VAPB: variants seen among roughly 807,000 people sequenced by gnomAD.
VAPB encodes the protein VAMP associated protein B and C.
A neutral mutation model predicts 25.6 loss-of-function variants in VAPB; 7 were observed. The observed-to-expected ratio is 0.27, with a 90% CI of 0.16 to 0.51. The LOEUF (loss-of-function observed/expected upper bound fraction) is 0.51. VAPB is among the 20% of genes least tolerant of loss of function. VAPB has a pLI of 0.97. For missense variants in VAPB, 266 were observed against 301.3 expected (o/e 0.88, Z 0.87); for synonymous variants, 112 against 109.2 (o/e 1.03, Z -0.16).
Position 58,449,433 on chromosome 20 carries a change from A to G in VAPB, c.*5198A>G. 1 of 451,012 alleles carries G rather than the reference A, an allele frequency of 2.2e-6. No individual in the cohort carries two copies. Among genetic ancestry groups the G allele is most frequent in the Non-Finnish European group, 4.4e-6 (1 of 226,036 alleles). The allele number at this position is 451,012 out of a possible 1,614,324, so 27.9% of individuals were successfully genotyped here. A position where few individuals can be genotyped will look rare whatever the true frequency, so the allele number is the denominator to read the frequency against. ...ATGAGAGGTTGTCTTCATGAATATA[A>G]TTACTTGAGATTTTTTTTTCTTAAT... is the stretch of plus-strand genomic sequence containing the variant. On this transcript the variant is annotated 3_prime_UTR_variant, in exon 6 of 6. Coordinates refer to ENST00000475243, the MANE Select transcript of VAPB (RefSeq NM_004738.5).
intron 2 of VAPB, among the ~76,000 whole-genome samples, chr20:58,419,101 G>A (rs1431336967): frequency 6.6e-6 from 1 of 152,238 alleles, no homozygotes; most frequent in Non-Finnish European, 1.5e-5. Context: ...CCAAGAAGGA[G>A]CTGTGGGGGA....
At chr20:58,425,744 T>A (rs1424963917) in intron 2 of VAPB, among the ~76,000 whole-genome samples, 1 of 152,026 alleles carries the variant, frequency 6.6e-6, no homozygotes, top group Non-Finnish European at 1.5e-5. Context: ...GAAATTGGAG[T>A]GCTCATTCTC....
chr20:58,421,921 T>C (rs1407656015), intron 2 of VAPB, among the ~76,000 whole-genome samples: 1 of 152,216 alleles, frequency 6.6e-6, no homozygotes. Context: ...GGACCTTACA[T>C]TGTGCTTCAA....
At chr20:58,424,933 G>A (rs967494444) in intron 2 of VAPB, among the ~76,000 whole-genome samples, 2 of 152,206 alleles carry the variant, frequency 1.3e-5, no homozygotes, top group Non-Finnish European at 2.9e-5. Context: ...TTCCATCCAT[G>A]GGCCCCTGAA....
At chr20:58,431,145 T>C (rs1363151858) in intron 2 of VAPB, 1 of 152,242 alleles carries the variant, frequency 6.6e-6, no homozygotes, top group East Asian at 1.9e-4. Flanking sequence ...TGTCTGTGAC[T>C]TTTTGAACAT....
chr20:58,406,613 G>A (rs1279792585), intron 1 of VAPB, among the ~76,000 whole-genome samples: 1 of 152,196 alleles, frequency 6.6e-6, no homozygotes, highest in Admixed American at 6.5e-5. Context: ...TCTGTATCTG[G>A]TGTGAATTGG....
rs528311427 is a variant in VAPB at position 58,446,067 on chromosome 20, C to A, written c.*1832C>A. 1 of 454,008 alleles carries A rather than the reference C, an allele frequency of 2.2e-6. No individual in the cohort carries two copies. The highest frequency in any genetic ancestry group is 1.6e-5 in the South Asian group (1 of 64,472). 28.1% of individuals were successfully genotyped at this position (454,008 alleles called of 1,614,324 possible). On this transcript the variant is annotated 3_prime_UTR_variant, in exon 6 of 6. Transcript: ENST00000475243. ...GTCTGAGTAAGTAACTTCCTGTCTTCATGAAAAAAGTTGACTTTGAATCCC... is the reference window on the plus strand; with the variant it reads ...GTCTGAGTAAGTAACTTCCTGTCTTAATGAAAAAAGTTGACTTTGAATCCC...
intron 2 of VAPB, among the ~76,000 whole-genome samples, chr20:58,419,929 AGT>A (rs1238563683): frequency 6.6e-6 from 1 of 152,038 alleles, no homozygotes; most frequent in Non-Finnish European, 1.5e-5. Flanking sequence ...GTACAATGTT[AGT>A]GTGTTTTCTG....
At chr20:58,432,039 G>A (rs1988939187) in intron 2 of VAPB, among the ~76,000 whole-genome samples, 2 of 152,102 alleles carry the variant, frequency 1.3e-5, no homozygotes, top group South Asian at 4.1e-4. Flanking sequence ...GGATGAAGAA[G>A]CTGAGGGATG....
chr20:58,429,643 A>C (rs1988883551), intron 2 of VAPB, among the ~76,000 whole-genome samples: 1 of 152,204 alleles, frequency 6.6e-6, no homozygotes. Context: ...TCCTTCCGTA[A>C]GGGATGTGTG....
chr20:58,425,212 C>T (rs1315575069), intron 2 of VAPB, among the ~76,000 whole-genome samples: 1 of 152,168 alleles, frequency 6.6e-6, no homozygotes, highest in East Asian at 1.9e-4. Flanking sequence ...GACAGTCTTT[C>T]TCTATGCAGG....
rs1301662064 is a variant in VAPB at position 58,447,524 on chromosome 20, C to G, written c.*3289C>G. ...AAAACCTAAACGCTTTCAAACAAATCCCAGGAACAGAATTGCTATCGAAAG... is the reference window on the plus strand; with the variant it reads ...AAAACCTAAACGCTTTCAAACAAATGCCAGGAACAGAATTGCTATCGAAAG... On this transcript the variant is annotated 3_prime_UTR_variant, in exon 6 of 6. Coordinates refer to ENST00000475243, the MANE Select transcript of VAPB (RefSeq NM_004738.5). The G allele has an allele frequency of 4.4e-6, 2 of 453,942 alleles. No individual in the cohort carries two copies. Among genetic ancestry groups the G allele is most frequent in the African/African-American group, 2.0e-5 (1 of 49,978 alleles). The allele number at this position is 453,942 out of a possible 1,614,324, so 28.1% of individuals were successfully genotyped here. A position where few individuals can be genotyped will look rare whatever the true frequency, so the allele number is the denominator to read the frequency against.
At chr20:58,411,607 G>A (rs4811993) in intron 1 of VAPB, among the ~76,000 whole-genome samples, 15,560 of 152,252 alleles carry the variant, frequency 0.1, 967 homozygotes, top group East Asian at 0.26. Flanking sequence ...CTTTCTGTAC[G>A]TTTTTGGTGA....
chr20:58,406,860 CTCTTCTATTTAGATAGAATTTTA>C (rs1393631058), intron 1 of VAPB, among the ~76,000 whole-genome samples: 14 of 152,154 alleles, frequency 9.2e-5, no homozygotes, highest in African/African-American at 3.4e-4. Context: ...TGTTTTGTCA[CTCTTCTATTTAGATAGAATTTTA>C]TTTGCAGTAG....
Position 58,450,693 on chromosome 20 carries a change from ATG to A in VAPB, c.*6466_*6467del, listed in dbSNP as rs562701720. ...TGAAAAAAGATTCCCACAGTTTCTG[ATG>A]TGTGTGTTTATAGTCTTCAATGTAT... On this transcript the variant is annotated 3_prime_UTR_variant, in exon 6 of 6. Coordinates refer to ENST00000475243, the MANE Select transcript of VAPB (RefSeq NM_004738.5). The A allele has an allele frequency of 8.4e-4, 380 of 453,960 alleles. 1 individual carries two copies. Among genetic ancestry groups the A allele is most frequent in the African/African-American group, 6.8e-3 (341 of 50,060 alleles). The allele number at this position is 453,960 out of a possible 1,614,324, so 28.1% of individuals were successfully genotyped here. A position where few individuals can be genotyped will look rare whatever the true frequency, so the allele number is the denominator to read the frequency against.
chr20:58,436,602 C>G (rs976709512), intron 3 of VAPB, among the ~76,000 whole-genome samples: 1 of 152,142 alleles, frequency 6.6e-6, no homozygotes, highest in African/African-American at 2.4e-5. Flanking sequence ...GGTAGGATTA[C>G]AGGCATGAGC....
intron 1 of VAPB, among the ~76,000 whole-genome samples, chr20:58,413,873 G>A (rs71360931): frequency 7.7e-6 from 1 of 130,498 alleles, no homozygotes; most frequent in Non-Finnish European, 1.7e-5. Context: ...TGGCAGAGGG[G>A]CTCCTCACTT....
At chr20:58,392,336 G>A (rs1403735360) in intron 1 of VAPB, among the ~76,000 whole-genome samples, 11 of 152,198 alleles carry the variant, frequency 7.2e-5, no homozygotes, top group Admixed American at 5.2e-4. Context: ...AGAGAATAGC[G>A]ATCATTCTGG....
intron 1 of VAPB, among the ~76,000 whole-genome samples, chr20:58,393,562 C>T (rs1267611442): frequency 1.3e-5 from 2 of 152,152 alleles, no homozygotes; most frequent in East Asian, 3.9e-4. Flanking sequence ...CCCTCCCCTT[C>T]CATGAGAGTC....
Sources: allele counts gnomAD v4.1 joint callset (sites outside exome capture counted in the v4.1 genomes callset), GRCh38; gene constraint gnomAD v4.1.1; transcripts MANE v1.5; gene names NCBI Gene and HGNC (gene_info 2026-07-23, HGNC 2026-07-21).